ACCSL: variants seen among roughly 807,000 people sequenced by gnomAD.
ACCSL encodes the protein 1-aminocyclopropane-1-carboxylate synthase homolog (inactive) like.
A neutral mutation model predicts 61.7 loss-of-function variants in ACCSL; 55 were observed. The observed-to-expected ratio is 0.89, with a 90% CI of 0.72 to 1.12. ACCSL has a LOEUF of 1.12. Among genes scored for constraint, ACCSL ranks in the 50% most tolerant of loss-of-function variants. The pLI is 0.00. For missense variants in ACCSL, 632 were observed against 698.0 expected, an observed-to-expected ratio of 0.91 and a Z score of 1.07; for synonymous variants, 258 against 264.3, an observed-to-expected ratio of 0.98 and a Z score of 0.23.
At chr11:43,924,473 C>G in the ACCSL span, among the ~76,000 whole-genome samples, 1 of 152,224 alleles carries the variant, frequency 6.6e-6, no homozygotes, top group Non-Finnish European at 1.5e-5. Flanking sequence ...GGCCTTGTGA[C>G]CGTGTTGTGA....
chr11:43,943,762 G>A, the ACCSL span: 7 of 1,304,162 alleles, frequency 5.4e-6, no homozygotes, highest in East Asian at 5.5e-5. The surrounding 1 kb of genome is among the most constrained non-coding windows in gnomAD (Gnocchi z 4.8). Flanking sequence ...TGCGTCTGGA[G>A]GATTGATATT....
chr11:43,972,223 G>T, the ACCSL span, among the ~76,000 whole-genome samples: 6 of 152,192 alleles, frequency 3.9e-5, no homozygotes, highest in African/African-American at 7.2e-5. Flanking sequence ...ATGGTTCAGA[G>T]AAGGAAGGGG....
At chr11:44,003,315 T>C in the ACCSL span, among the ~76,000 whole-genome samples, 2 of 152,154 alleles carry the variant, frequency 1.3e-5, no homozygotes, top group Non-Finnish European at 2.9e-5. Flanking sequence ...TAACATAAAG[T>C]TTACTATCTT....
chr11:44,051,836 G>A, intron 5 of ACCSL, 117 bp downstream of exon 5: 1 of 1,222,436 alleles, frequency 8.2e-7, no homozygotes, highest in Non-Finnish European at 1.2e-6. Flanking sequence ...TTTCCCCAAA[G>A]TGGTGGGCCT....
the ACCSL span, among the ~76,000 whole-genome samples, chr11:44,011,476 T>C: frequency 3.9e-5 from 6 of 152,212 alleles, no homozygotes; most frequent in African/African-American, 1.4e-4. Context: ...GAAACATATT[T>C]TGGCCAATGC....
At chr11:43,961,640 G>A in the ACCSL span, among the ~76,000 whole-genome samples, 1 of 152,098 alleles carries the variant, frequency 6.6e-6, no homozygotes. Flanking sequence ...TGCCTGGAAT[G>A]CTTACCTCTT....
the ACCSL span, among the ~76,000 whole-genome samples, chr11:43,927,044 G>A: frequency 6.7e-4 from 102 of 152,326 alleles, no homozygotes; most frequent in African/African-American, 2.3e-3. Context: ...CACTGAGCCC[G>A]GCCAGCTTTT....
At chr11:44,014,799 C>G in the ACCSL span, among the ~76,000 whole-genome samples, 1 of 152,210 alleles carries the variant, frequency 6.6e-6, no homozygotes, top group Admixed American at 6.5e-5. Context: ...TCCTGCAGTA[C>G]AGCAGAGGCA....
chr11:43,925,520 C>T, the ACCSL span: 34,792 of 447,320 alleles, frequency 0.078, 1,768 homozygotes, highest in Non-Finnish European at 0.11. Context: ...CTGCACCAAC[C>T]GATGAGGGGA....
At chr11:43,977,493 C>A in the ACCSL span, among the ~76,000 whole-genome samples, 7 of 152,112 alleles carry the variant, frequency 4.6e-5, no homozygotes, top group Admixed American at 3.3e-4. Context: ...ATGCAGGGAG[C>A]TTTAGAAGCT....
the ACCSL span, among the ~76,000 whole-genome samples, chr11:44,039,833 C>A: frequency 6.6e-6 from 1 of 152,156 alleles, no homozygotes; most frequent in Non-Finnish European, 1.5e-5. Flanking sequence ...TCTGTGTAGA[C>A]CCCTAGAGAA....
upstream of ACCSL, among the ~76,000 whole-genome samples, chr11:44,045,082 G>C (rs1952590666): frequency 6.6e-6 from 1 of 152,150 alleles, no homozygotes; most frequent in Non-Finnish European, 1.5e-5. Flanking sequence ...ATGAGTCTTG[G>C]CAGAAGTCCA....
At chr11:43,942,075 T>TGTGCGTGC in the ACCSL span, among the ~76,000 whole-genome samples, 38 of 139,008 alleles carry the variant, frequency 2.7e-4, 1 homozygote, top group African/African-American at 9.5e-4. Flanking sequence ...TGTGTGTGTG[T>TGTGCGTGC]GCGCGCGCGC....
At chr11:44,055,454 C>T (rs1952665617) in intron 9 of ACCSL, among the ~76,000 whole-genome samples, 163 bp downstream of exon 9, 1 of 152,216 alleles carries the variant, frequency 6.6e-6, no homozygotes, top group Admixed American at 6.5e-5. Context: ...CTCTAAATGT[C>T]TTCTAGTCTA....
At chr11:43,943,554 G>A in the ACCSL span, 1 of 1,317,680 alleles carries the variant, frequency 7.6e-7, no homozygotes, top group Middle Eastern at 2.1e-4. The surrounding 1 kb of genome is among the most constrained non-coding windows in gnomAD (Gnocchi z 4.8). Flanking sequence ...AGTGTGTGCG[G>A]GGAGGCGCGC....
chr11:43,996,925 G>T, the ACCSL span, among the ~76,000 whole-genome samples: 2 of 150,964 alleles, frequency 1.3e-5, no homozygotes, highest in African/African-American at 4.9e-5. Context: ...CGATTATTGT[G>T]CCTCAACCTC....
the ACCSL span, chr11:43,943,968 G>A: frequency 1.2e-6 from 1 of 817,868 alleles, no homozygotes; most frequent in African/African-American, 1.8e-5. This position sits in a 1 kb window ranked among gnomAD's most constrained non-coding sequence, Gnocchi z 4.8. Flanking sequence ...GCAGGGGGAT[G>A]TCGGACCAGG....
chr11:43,925,488 T>A, the ACCSL span: 2 of 455,626 alleles, frequency 4.4e-6, no homozygotes, highest in African/African-American at 4.0e-5. Flanking sequence ...GTCGTCCTCC[T>A]GAATCTAGTG....
the ACCSL span, among the ~76,000 whole-genome samples, chr11:43,926,251 G>A: frequency 4.0e-5 from 6 of 150,776 alleles, no homozygotes; most frequent in East Asian, 1.9e-4. Context: ...GCTCACTCTC[G>A]GCGGCCCCAC....
Sources: gnomAD v4.1 joint callset for allele counts (sites outside exome capture counted in the v4.1 genomes callset) on GRCh38, gnomAD v4.1.1 for gene constraint, Gnocchi (gnomAD v3.1) non-coding constraint, MANE v1.5 for transcripts, NCBI Gene and HGNC (gene_info 2026-07-23, HGNC 2026-07-21) for gene names.